The following DGLUCY variants were observed in gnomAD, a reference collection of about 807,000 sequenced individuals.
DGLUCY encodes the protein D-glutamate cyclase.
In DGLUCY, 58 loss-of-function variants were observed where a neutral mutation model predicts 58.5. That is an observed-to-expected ratio of 0.99 (90% CI 0.80 to 1.23). The LOEUF is 1.23. Among genes scored for constraint, DGLUCY ranks in the 50% most tolerant of loss-of-function variants. The pLI, the probability that DGLUCY is intolerant of heterozygous loss-of-function variation, is 0.00. For missense variants in DGLUCY, 779 were observed against 784.7 expected (o/e 0.99, Z 0.09); for synonymous variants, 325 against 314.1 (o/e 1.03, Z -0.37).
At chr14:91,157,207 A>G (rs2047697282) in intron 1 of DGLUCY, among the ~76,000 whole-genome samples, 3 of 143,964 alleles carry the variant, frequency 2.1e-5, no homozygotes, top group Non-Finnish European at 3.0e-5. Flanking sequence ...GGATGGATGA[A>G]TGAATGGGTG....
chr14:91,090,613 G>T (rs1392190283), intron 1 of DGLUCY, among the ~76,000 whole-genome samples: 1 of 152,160 alleles, frequency 6.6e-6, no homozygotes, highest in Non-Finnish European at 1.5e-5. Context: ...AGAGCCACTA[G>T]CAGGAGCTTG....
intron 4 of DGLUCY, among the ~76,000 whole-genome samples, chr14:91,168,861 C>G (rs911923429): frequency 6.6e-6 from 1 of 150,900 alleles, no homozygotes; most frequent in African/African-American, 2.4e-5. Flanking sequence ...CCAAGGAGAG[C>G]AGATCACCTG....
Position 91,170,150 on chromosome 14 carries a change from G to A in DGLUCY, c.405G>A (p.Ala135=), listed in dbSNP as rs200698102. The A allele has an allele frequency of 1.9e-5, 31 of 1,613,606 alleles. No homozygotes were observed. Among genetic ancestry groups the A allele is most frequent in the East Asian group, 8.9e-5 (4 of 44,880 alleles). Residue 135 remains alanine, a synonymous_variant, in exon 5 of 14, where the codon GCG becomes GCA. Coordinates refer to ENST00000256324, the MANE Select transcript of DGLUCY (RefSeq NM_001102368.3). The part of the protein sequence containing the change: ...SFSLEEALEK[A]GLPRRDPAGH... ...CCCTGGAGGAGGCCTTGGAGAAAGC[G>A]GGGCTCCCCAGAAGAGACCCAGCAG... is the stretch of plus-strand genomic sequence containing the variant.
At chr14:91,086,667 A>G (rs891917705) in intron 1 of DGLUCY, among the ~76,000 whole-genome samples, 3 of 152,244 alleles carry the variant, frequency 2.0e-5, no homozygotes, top group South Asian at 2.1e-4. Context: ...GGCTGACTGT[A>G]TTTTATACCT....
intron 1 of DGLUCY, among the ~76,000 whole-genome samples, chr14:91,092,365 T>C (rs1362849507): frequency 2.0e-5 from 3 of 152,226 alleles, no homozygotes; most frequent in African/African-American, 4.8e-5. Context: ...AATCATTTGA[T>C]TTCCATACTG....
intron 3 of DGLUCY, among the ~76,000 whole-genome samples, chr14:91,161,561 T>G (rs1023825905): frequency 6.6e-6 from 1 of 152,210 alleles, no homozygotes; most frequent in African/African-American, 2.4e-5. Flanking sequence ...TTCTTCTCCA[T>G]GAAGCCTCTT....
intron 1 of DGLUCY, among the ~76,000 whole-genome samples, chr14:91,122,675 T>C (rs1486907419): frequency 1.4e-5 from 2 of 144,036 alleles, no homozygotes; most frequent in Non-Finnish European, 3.0e-5. Flanking sequence ...CGATCTCGGC[T>C]TACTGCAACC....
chr14:91,173,562 C>G (rs189139163), intron 6 of DGLUCY, 123 bp downstream of exon 6: 14 of 1,310,650 alleles, frequency 1.1e-5, no homozygotes, highest in Non-Finnish European at 1.3e-5. Flanking sequence ...GTCTCTCGCT[C>G]CTGCCCATGA....
intron 3 of DGLUCY, among the ~76,000 whole-genome samples, chr14:91,166,234 G>A (rs1012762221): frequency 7.9e-5 from 12 of 152,178 alleles, no homozygotes; most frequent in East Asian, 1.9e-4. Context: ...CTGTAGGTTC[G>A]TATGTTTTTG....
chr14:91,061,859 C>T (rs2043697095), intron 1 of DGLUCY, among the ~76,000 whole-genome samples: 1 of 152,056 alleles, frequency 6.6e-6, no homozygotes, highest in African/African-American at 2.4e-5. Context: ...AGAGAGATAG[C>T]AGGGCAGGAA....
exon 1 of DGLUCY, chr14:91,060,596 C>A (rs1409720426): frequency 1.0e-6 from 1 of 980,316 alleles, no homozygotes; most frequent in African/African-American, 1.7e-5. Context: ...GGCCGCACGG[C>A]TCGCTCCTCG....
At position 91,160,434 on chromosome 14, in the gene DGLUCY, A is replaced by C. The variant is rs760340794; in HGVS notation, c.103+37A>C. ...CAGATAGTTAAAAAAAAAAAAAAAA[A>C]AAAAAAAGAAAGTTCCTGGGAATTA... On this transcript the variant is annotated intron_variant, in intron 3 of 13. Coordinates refer to ENST00000256324, the MANE Select transcript of DGLUCY (RefSeq NM_001102368.3). 4.9e-6 allele frequency: 7 copies of C among 1,441,744 alleles called. No individual in the cohort carries two copies. In the African/African-American group the frequency reaches 1.0e-4, roughly 21 times the overall value. 89.3% of individuals were successfully genotyped at this position (1,441,744 alleles called of 1,614,324 possible).
At chr14:91,141,543 A>G (rs2046673042) in intron 1 of DGLUCY, among the ~76,000 whole-genome samples, 1 of 145,194 alleles carries the variant, frequency 6.9e-6, no homozygotes, top group African/African-American at 2.5e-5. Flanking sequence ...ATGGATACTC[A>G]GAGAGGTTAA....
intron 1 of DGLUCY, among the ~76,000 whole-genome samples, chr14:91,068,059 GCACACACACACACGCGCACGCA>G (rs1319940562): frequency 1.5e-5 from 2 of 136,626 alleles, no homozygotes; most frequent in Non-Finnish European, 3.1e-5. Context: ...ACTGGCGCGT[GCACACACACACACGCGCACGCA>G]CACACACACA....
intron 1 of DGLUCY, among the ~76,000 whole-genome samples, chr14:91,093,164 T>C (rs1342738192): frequency 2.0e-5 from 3 of 151,978 alleles, no homozygotes; most frequent in African/African-American, 7.3e-5. Flanking sequence ...ATTTATATGA[T>C]CATAATGATT....
In DGLUCY at chr14:91,173,329, C is replaced by G. The variant is rs761464837; in HGVS notation, c.497C>G (p.Pro166Arg). 5.6e-6 allele frequency: 9 copies of G among 1,613,548 alleles called. No individual in the cohort carries two copies. The highest frequency in any genetic ancestry group is 7.6e-6 in the Non-Finnish European group (9 of 1,179,944). The change falls in exon 6 of 14, where the codon CCT becomes CGT. Residue 166 changes from proline (P) to arginine (R), a missense_variant. Transcript: ENST00000256324. ...PCVTHAGFCC[P>R]LVVTMRPIPK... Reference sequence around the variant, plus strand: ...GTTACCCATGCTGGCTTCTGCTGCCCTCTGGTGGTCACGATGAGGCCCATT... The same window carrying G: ...GTTACCCATGCTGGCTTCTGCTGCCGTCTGGTGGTCACGATGAGGCCCATT...
At chr14:91,115,510 A>G (rs985265330) in intron 1 of DGLUCY, among the ~76,000 whole-genome samples, 2 of 152,068 alleles carry the variant, frequency 1.3e-5, no homozygotes, top group Non-Finnish European at 1.5e-5. Context: ...TGCAACCTCC[A>G]TCTCCTGGGT....
At chr14:91,139,776 G>T (rs1014749892) in intron 1 of DGLUCY, among the ~76,000 whole-genome samples, 6 of 152,222 alleles carry the variant, frequency 3.9e-5, no homozygotes, top group African/African-American at 1.4e-4. Context: ...AAACCAAAAA[G>T]TACCTGAGAC....
At chr14:91,099,905 T>C (rs1315254568) in intron 1 of DGLUCY, among the ~76,000 whole-genome samples, 1 of 152,026 alleles carries the variant, frequency 6.6e-6, no homozygotes, top group Non-Finnish European at 1.5e-5. Context: ...TTCTACAAAA[T>C]TAGCCGGGCA....
Sources: allele counts gnomAD v4.1 joint callset (sites outside exome capture counted in the v4.1 genomes callset), GRCh38; gene constraint gnomAD v4.1.1; transcripts MANE v1.5; gene names NCBI Gene and HGNC (gene_info 2026-07-23, HGNC 2026-07-21).